Variants in NUDT19 observed in about 807,000 individuals in gnomAD.
NUDT19 encodes nudix hydrolase 19.
A neutral mutation model predicts 22.2 loss-of-function variants in NUDT19; 31 were observed. That is an observed-to-expected ratio of 1.40 (90% CI 1.05 to 1.89). The LOEUF (loss-of-function observed/expected upper bound fraction) is 1.89. Among genes scored for constraint, NUDT19 ranks in the 40% most tolerant of loss-of-function variants. The pLI, the probability that NUDT19 is intolerant of heterozygous loss-of-function variation, is 0.00. For synonymous variants in NUDT19, 325 were observed against 230.8 expected (o/e 1.41, Z -3.70); for missense variants, 752 against 514.2 (o/e 1.46, Z -4.47).
At chr19:32,701,129 G>T (rs1382981339) in intron 1 of NUDT19, among the ~76,000 whole-genome samples, 1 of 148,876 alleles carries the variant, frequency 6.7e-6, no homozygotes, top group African/African-American at 2.5e-5. Context: ...AGAAGAATAT[G>T]TATTCTGCTA....
chr19:32,711,381 T>A (rs1438400700), intron 2 of NUDT19, among the ~76,000 whole-genome samples: 1 of 152,042 alleles, frequency 6.6e-6, no homozygotes, highest in African/African-American at 2.4e-5. Context: ...GAGAATTGCT[T>A]GAGCCCAAGA....
chr19:32,692,599 C>A lies in NUDT19; in HGVS notation c.639C>A (p.Asp213Glu). The change falls in exon 1 of 3, where the codon GAC becomes GAA. Residue 213 changes from aspartate (D) to glutamate (E), a missense_variant. Transcript: ENST00000397061. ...PFLRGTTRRF[D>E]TAFFLCCLRE... ...TGCGGGGCACCACTCGCCGCTTTGA[C>A]ACGGCCTTCTTCCTGTGCTGCCTGC... is the stretch of plus-strand genomic sequence containing the variant. 1.3e-6 allele frequency: 2 copies of A among 1,578,648 alleles called. No homozygotes were observed. Among genetic ancestry groups the A allele is most frequent in the Non-Finnish European group, 8.6e-7 (1 of 1,166,918 alleles).
intron 1 of NUDT19, among the ~76,000 whole-genome samples, chr19:32,696,994 T>G (rs1217541222): frequency 6.6e-6 from 1 of 152,158 alleles, no homozygotes; most frequent in Non-Finnish European, 1.5e-5. Flanking sequence ...GCAGTGTGTC[T>G]TCCAGTGATT....
rs1347881093 is a variant in NUDT19 at position 32,692,041 on chromosome 19, G to A, written c.81G>A (p.Pro27=). ...SIVLAAGWSR[P]ETATPPSRPP... ...TCCTGGCGGCTGGCTGGTCGCGCCC[G>A]GAGACCGCCACCCCGCCGTCGCGCC... Residue 27 remains proline (P), a synonymous_variant, in exon 1 of 3, where the codon CCG becomes CCA. Coordinates refer to ENST00000397061, the MANE Select transcript of NUDT19 (RefSeq NM_001105570.2). 23 of 1,275,768 alleles carry A rather than the reference G, an allele frequency of 1.8e-5. No homozygotes were observed. The highest frequency in any genetic ancestry group is 3.2e-5 in the East Asian group (1 of 31,422). 79.0% of individuals were successfully genotyped at this position (1,275,768 alleles called of 1,614,324 possible).
At chr19:32,704,488 C>T (rs1968367615) in intron 1 of NUDT19, among the ~76,000 whole-genome samples, 1 of 151,940 alleles carries the variant, frequency 6.6e-6, no homozygotes, top group African/African-American at 2.4e-5. Flanking sequence ...TCTCGAACTC[C>T]TGACCTTGTG....
At chr19:32,708,877 G>A (rs8112297) in intron 1 of NUDT19, among the ~76,000 whole-genome samples, 39,889 of 151,976 alleles carry the variant, frequency 0.26, 5,423 homozygotes, top group Middle Eastern at 0.32. Context: ...AGCAGGGACC[G>A]GAACCACCTT....
rs1381910000 is a variant in NUDT19, at chr19:32,711,941, G to C, written c.1112G>C (p.Arg371Thr). Residue 371 changes from arginine (R) to threonine (T), a missense_variant, in exon 3 of 3, where the codon AGA becomes ACA. By Grantham distance (71) the Arg-to-Thr change is moderately conservative (BLOSUM62 -1). Transcript: ENST00000397061. ...KHVYPKNSVV[R>T]KSHL ...GTTTATCCTAAGAACTCTGTAGTAAGAAAAAGCCATTTGTAGGGTGCTTAA... is the reference window on the plus strand; with the variant it reads ...GTTTATCCTAAGAACTCTGTAGTAACAAAAAGCCATTTGTAGGGTGCTTAA... The C allele has an allele frequency of 1.2e-6, 2 of 1,612,952 alleles. No individual in the cohort carries two copies. Among genetic ancestry groups the C allele is most frequent in the Non-Finnish European group, 1.7e-6 (2 of 1,179,116 alleles).
chr19:32,692,168 G>A lies in NUDT19; in HGVS notation c.208G>A (p.Ala70Thr), dbSNP rs963227950. ...HVFSGGVLDA[A>T]DRSADWLGLF... ...CTTCTCCGGCGGAGTGCTGGATGCG[G>A]CCGACCGCTCGGCGGACTGGCTGGG... Residue 70 changes from alanine (A) to threonine (T), a missense_variant, in exon 1 of 3, where the codon GCC (alanine) becomes ACC (threonine). Transcript: ENST00000397061. 6.5e-7 allele frequency: 1 copy of A among 1,531,780 alleles called. No individual in the cohort carries two copies. Among genetic ancestry groups the A allele is most frequent in the Admixed American group, 2.0e-5 (1 of 49,974 alleles). The allele number at this position is 1,531,780 out of a possible 1,614,324, so 94.9% of individuals were successfully genotyped here.
chr19:32,710,525 G>A (rs1219692566), intron 2 of NUDT19, among the ~76,000 whole-genome samples: 1 of 151,454 alleles, frequency 6.6e-6, no homozygotes, highest in Non-Finnish European at 1.5e-5. Flanking sequence ...CCAGGAGGTA[G>A]AGGTTGCAGT....
rs550151403 is a variant in NUDT19, at chr19:32,711,734, G to T, written c.923-18G>T. Reference sequence around the variant, plus strand: ...AATTTTGTATTTAAAAATAAAATCAGATTTTTTCCTTTTTCAGGTGATGAG... The same window carrying T: ...AATTTTGTATTTAAAAATAAAATCATATTTTTTCCTTTTTCAGGTGATGAG... On this transcript the variant is annotated intron_variant, in intron 2 of 2. Transcript: ENST00000397061. 23 of 1,432,444 alleles carry T rather than the reference G, an allele frequency of 1.6e-5. No individual in the cohort carries two copies. Among genetic ancestry groups the T allele is most frequent in the African/African-American group, 4.3e-5 (3 of 70,324 alleles). 88.7% of individuals were successfully genotyped at this position (1,432,444 alleles called of 1,614,324 possible).
Position 32,713,394 on chromosome 19 carries a change from G to A in NUDT19, c.*1437G>A, listed in dbSNP as rs985346665. The stretch of plus-strand genomic sequence containing the variant: ...CAGTCCGGTCTCGAACTTCTGACCT[G>A]AGGTGATCTGCCCACCTTGGCCTCA... On this transcript the variant is annotated 3_prime_UTR_variant, in exon 3 of 3. Transcript: ENST00000397061. 3.4e-5 allele frequency: 5 copies of A among 146,392 alleles called. No individual in the cohort carries two copies. Among genetic ancestry groups the A allele is most frequent in the African/African-American group, 5.1e-5 (2 of 39,322 alleles). The allele number at this position is 146,392 out of a possible 1,614,324, so 9.1% of individuals were successfully genotyped here.
Position 32,692,239 on chromosome 19 carries a change from G to A in NUDT19, c.279G>A (p.Pro93=), listed in dbSNP as rs760952698. ...GGCCGCCGCGCTTCGGCCTGGGCCC[G>A]GCGCCATTCAGCCGCACCGCTTTCC... ...HHGPPRFGLG[P]APFSRTAFPS... The change falls in exon 1 of 3, where the codon CCG becomes CCA. Residue 93 remains proline, a synonymous_variant. Transcript: ENST00000397061. 2.5e-6 allele frequency: 4 copies of A among 1,589,926 alleles called. No individual in the cohort carries two copies. The highest frequency in any genetic ancestry group is 3.4e-6 in the Non-Finnish European group (4 of 1,176,602).
chr19:32,704,723 C>T (rs756399623), intron 1 of NUDT19, among the ~76,000 whole-genome samples: 20 of 151,902 alleles, frequency 1.3e-4, no homozygotes, highest in Non-Finnish European at 2.8e-4. Flanking sequence ...GACGTTTTCC[C>T]ACTTCATCAT....
chr19:32,699,830 C>T (rs988166815), intron 1 of NUDT19, among the ~76,000 whole-genome samples: 1 of 151,788 alleles, frequency 6.6e-6, no homozygotes, highest in Non-Finnish European at 1.5e-5. Context: ...GATGGTGTGT[C>T]TGGAGTTTGT....
chr19:32,698,555 CCTG>C (rs1418092695), intron 1 of NUDT19, among the ~76,000 whole-genome samples: 1 of 152,078 alleles, frequency 6.6e-6, no homozygotes, highest in African/African-American at 2.4e-5. Context: ...GTCCCCGGAC[CCTG>C]CTGATTGGAG....
chr19:32,697,698 C>A (rs1183217537), intron 1 of NUDT19, among the ~76,000 whole-genome samples: 1 of 152,208 alleles, frequency 6.6e-6, no homozygotes, highest in African/African-American at 2.4e-5. Flanking sequence ...TCTCCAAACT[C>A]TTGGGCTGCA....
chr19:32,707,614 G>A (rs547195179), intron 1 of NUDT19, among the ~76,000 whole-genome samples: 24 of 152,142 alleles, frequency 1.6e-4, no homozygotes, highest in Non-Finnish European at 3.2e-4. Flanking sequence ...GGAGGCCGAG[G>A]TGGGTGGATC....
chr19:32,704,160 C>G (rs1333261955), intron 1 of NUDT19, among the ~76,000 whole-genome samples: 1 of 151,996 alleles, frequency 6.6e-6, no homozygotes, highest in African/African-American at 2.4e-5. Context: ...GTATAAAATT[C>G]TAGGTTGATA....
intron 1 of NUDT19, among the ~76,000 whole-genome samples, chr19:32,703,802 A>G (rs1968360085): frequency 6.6e-6 from 1 of 151,454 alleles, no homozygotes; most frequent in African/African-American, 2.4e-5. Flanking sequence ...AGCTGAGATT[A>G]CAGGCACCCA....
Sources: gnomAD v4.1 joint callset for allele counts (sites outside exome capture counted in the v4.1 genomes callset) on GRCh38, gnomAD v4.1.1 for gene constraint, MANE v1.5 for transcripts, NCBI Gene and HGNC (gene_info 2026-07-23, HGNC 2026-07-21) for gene names.